Variants in CSMD2 observed in about 807,000 individuals in gnomAD.
CSMD2 encodes CUB and Sushi multiple domains 2.
CSMD2 carries 130 observed loss-of-function variants against 398.5 expected under a neutral mutation model. The ratio of observed to expected loss-of-function variants is 0.33; its 90% CI spans 0.28 to 0.38. The LOEUF is 0.38. Ranked by LOEUF, CSMD2 falls within the 10% of genes least tolerant of loss-of-function variation. The pLI, the probability that CSMD2 is intolerant of heterozygous loss-of-function variation, is 1.00. For synonymous variants in CSMD2, 1,828 were observed against 1,908.5 expected, an observed-to-expected ratio of 0.96 and a Z score of 1.10; for missense variants, 3,829 against 4,764.9, an observed-to-expected ratio of 0.80 and a Z score of 5.78.
chr1:33,710,005 C>T (rs780720410), intron 21 of CSMD2, among the ~76,000 whole-genome samples: 2 of 152,210 alleles, frequency 1.3e-5, no homozygotes, highest in Non-Finnish European at 2.9e-5. Flanking sequence ...ACTGCTTCTC[C>T]TCCTCCAGAA....
chr1:34,165,516 C>T (rs2148598796), upstream of CSMD2, among the ~76,000 whole-genome samples: 1 of 152,180 alleles, frequency 6.6e-6, no homozygotes, highest in Non-Finnish European at 1.5e-5. Flanking sequence ...TGCAATTGAC[C>T]AGTTTCTTTT....
chr1:33,617,464 A>T, intron 38 of CSMD2, 35 bp downstream of exon 38: 1 of 1,516,528 alleles, frequency 6.6e-7, no homozygotes, highest in Non-Finnish European at 9.2e-7. Context: ...CTCAGGGGAC[A>T]CCTGTTTCCT....
At chr1:33,767,424 T>C (rs1650646093) in intron 13 of CSMD2, among the ~76,000 whole-genome samples, 1 of 152,204 alleles carries the variant, frequency 6.6e-6, no homozygotes, top group Admixed American at 6.5e-5. Context: ...CTGTCAAGTA[T>C]TGGCCCTTGA....
At chr1:33,596,108 C>T (rs1442110493) in intron 44 of CSMD2, among the ~76,000 whole-genome samples, 2 of 152,228 alleles carry the variant, frequency 1.3e-5, no homozygotes, top group African/African-American at 4.8e-5. Context: ...CACCTGCCTT[C>T]TATTGTCCTT....
At chr1:34,090,402 T>C (rs1471951247) in intron 1 of CSMD2, among the ~76,000 whole-genome samples, 1 of 152,100 alleles carries the variant, frequency 6.6e-6, no homozygotes, top group Non-Finnish European at 1.5e-5. Flanking sequence ...TGCTCCTCTC[T>C]CCGATTTGGG....
chr1:33,960,032 A>G (rs917644636), intron 3 of CSMD2, among the ~76,000 whole-genome samples: 1 of 151,984 alleles, frequency 6.6e-6, no homozygotes, highest in Admixed American at 6.6e-5. Flanking sequence ...CCTGATCCCC[A>G]CGTGACAGAA....
chr1:33,864,283 A>G, intron 5 of CSMD2: 1 of 1,613,990 alleles, frequency 6.2e-7, no homozygotes, highest in Non-Finnish European at 8.5e-7. Context: ...AAGGAGCAGC[A>G]GCCAAATACC....
chr1:33,594,719 G>A (rs1471518341), intron 44 of CSMD2, among the ~76,000 whole-genome samples: 2 of 152,004 alleles, frequency 1.3e-5, no homozygotes, highest in Non-Finnish European at 2.9e-5. Context: ...GAGATTTTCA[G>A]GTTTGTCCTC....
intron 2 of CSMD2, among the ~76,000 whole-genome samples, chr1:34,036,676 CTGGTTTTGAGAGT>C: frequency 6.6e-6 from 1 of 152,232 alleles, no homozygotes; most frequent in East Asian, 1.9e-4. Flanking sequence ...TGGCAGTGTG[CTGGTTTTGAGAGT>C]GTGCTATAGT....
chr1:34,009,886 C>T (rs1425363895), intron 3 of CSMD2, among the ~76,000 whole-genome samples: 11 of 152,176 alleles, frequency 7.2e-5, no homozygotes, highest in Admixed American at 2.0e-4. Flanking sequence ...TCCTAGCTCA[C>T]GTCTCATCAT....
intron 22 of CSMD2, among the ~76,000 whole-genome samples, chr1:33,706,839 TGC>T (rs1038613373): frequency 3.3e-5 from 5 of 151,822 alleles, no homozygotes; most frequent in African/African-American, 1.2e-4. Flanking sequence ...TATGTGTGTG[TGC>T]GTGTGTGCAT....
Position 33,569,513 on chromosome 1 carries a change from A to T in CSMD2, c.7992T>A (p.Asn2664Lys). Reference protein sequence around the residue: ...ISCGELPIPPNGHRIGTLSVY... With the variant: ...ISCGELPIPPKGHRIGTLSVY... Reference sequence around the variant, plus strand: ...CAGACAGTGTTCCGATGCGGTGGCCATTGGGGGGAATCGGGAGCTCTCCAC... The same window carrying T: ...CAGACAGTGTTCCGATGCGGTGGCCTTTGGGGGGAATCGGGAGCTCTCCAC... Residue 2664 changes from asparagine (N) to lysine (K), a missense_variant, in exon 52 of 71, where the codon AAT becomes AAA. By Grantham distance (94) the Asn-to-Lys change is moderately conservative (BLOSUM62 0). Transcript: ENST00000373381. The T allele has an allele frequency of 6.2e-7, 1 of 1,614,162 alleles. No individual in the cohort carries two copies. The highest frequency in any genetic ancestry group is 8.5e-7 in the Non-Finnish European group (1 of 1,180,000).
At chr1:33,806,320 G>A (rs1656224660) in intron 10 of CSMD2, among the ~76,000 whole-genome samples, 2 of 152,090 alleles carry the variant, frequency 1.3e-5, no homozygotes, top group South Asian at 2.1e-4. Flanking sequence ...TTTCACATGG[G>A]TTTGCAGCCT....
intron 5 of CSMD2, among the ~76,000 whole-genome samples, chr1:33,908,354 G>A (rs1042410137): frequency 6.6e-6 from 1 of 152,208 alleles, no homozygotes; most frequent in Non-Finnish European, 1.5e-5. Context: ...CCAGAACAAG[G>A]GGCTCTGGAG....
intron 14 of CSMD2, among the ~76,000 whole-genome samples, chr1:33,742,585 C>CCT: frequency 2.1e-5 from 3 of 140,822 alleles, no homozygotes; most frequent in East Asian, 2.3e-4. Context: ...CTGCCCCCCC[C>CCT]CCCCCAACCC....
chr1:33,931,609 A>G (rs762496851), intron 4 of CSMD2, among the ~76,000 whole-genome samples: 1 of 152,206 alleles, frequency 6.6e-6, no homozygotes, highest in Non-Finnish European at 1.5e-5. Flanking sequence ...CCCTTCTAGA[A>G]GCAGGATTTG....
Position 33,707,691 on chromosome 1 carries a change from GCGCGCACACACACACACACACACA to G in CSMD2, c.3576+1374_3576+1397del, listed in dbSNP as rs1370390777. On this transcript the variant is annotated intron_variant, in intron 22 of 70. Transcript: ENST00000373381. ...AACACGCACGCGTGCACACGCGCGC[GCGCGCACACACACACACACACACA>G]CACACACACACACACACACACACAC... Among the ~76,000 whole-genome samples the G allele has an allele frequency of 9.7e-4, 55 of 56,874 alleles. No individual in the cohort carries two copies. The South Asian group carries it at 0.016, about 16-fold the overall frequency. The allele number at this position is 56,874 out of a possible 152,430, so 37.3% of individuals were successfully genotyped here.
chr1:33,828,790 G>C (rs911212), intron 6 of CSMD2, among the ~76,000 whole-genome samples: 119,577 of 152,194 alleles, frequency 0.79, 47,828 homozygotes, highest in East Asian at 0.94. Flanking sequence ...TCATTCCTCC[G>C]CAAGGAAAGA....
intron 2 of CSMD2, among the ~76,000 whole-genome samples, chr1:34,039,666 T>G (rs1651600298): frequency 6.6e-6 from 1 of 152,146 alleles, no homozygotes; most frequent in South Asian, 2.1e-4. Context: ...TGGGTAAATG[T>G]GGGCAAGAGC....
Sources: gnomAD v4.1 joint callset for allele counts (sites outside exome capture counted in the v4.1 genomes callset) on GRCh38, gnomAD v4.1.1 for gene constraint, MANE v1.5 for transcripts, NCBI Gene and HGNC (gene_info 2026-07-23, HGNC 2026-07-21) for gene names.